The following NFKB1 variants were observed in gnomAD, a reference collection of about 807,000 sequenced individuals.
NFKB1 encodes nuclear factor kappa B subunit 1.
Under a neutral mutation model 105.1 loss-of-function variants are expected in NFKB1, and 9 were observed. That is an observed-to-expected ratio of 0.09 (90% CI 0.05 to 0.15). The LOEUF is 0.15. NFKB1 is among the 10% of genes least tolerant of loss of function. The pLI is 1.00. For synonymous variants in NFKB1, 440 were observed against 442.2 expected, an observed-to-expected ratio of 1.00 and a Z score of 0.06; for missense variants, 830 against 1,203.7, an observed-to-expected ratio of 0.69 and a Z score of 4.59.
Position 102,567,368 on chromosome 4 carries a change from C to T in NFKB1, c.407+233C>T, listed in dbSNP as rs114476171. On this transcript the variant is annotated intron_variant, in intron 6 of 23. Coordinates refer to ENST00000226574, the MANE Select transcript of NFKB1 (RefSeq NM_003998.4). ...CTGACCTAATTGTTTATAGCACCCT[C>T]TTCTACTCTTAAAGGTGGCCCAATT... 5.5e-3 allele frequency among the ~76,000 whole-genome samples: 834 copies of T among 152,296 alleles called. 12 individuals are homozygous for T. Among genetic ancestry groups the T allele is most frequent in the African/African-American group, 0.019 (796 of 41,556 alleles).
chr4:102,611,158 C>T (rs1217360247), intron 20 of NFKB1, among the ~76,000 whole-genome samples: 1 of 152,178 alleles, frequency 6.6e-6, no homozygotes, highest in Non-Finnish European at 1.5e-5. Context: ...CAAAACTCCA[C>T]AGGGCTGAGA....
intron 2 of NFKB1, among the ~76,000 whole-genome samples, chr4:102,527,116 A>G (rs752479661): frequency 6.6e-6 from 1 of 152,182 alleles, no homozygotes; most frequent in Non-Finnish European, 1.5e-5. Context: ...GTGCCAGAAC[A>G]TTGGCTTAGT....
At chr4:102,578,632 G>A (rs1041897469) in intron 7 of NFKB1, 2 of 511,460 alleles carry the variant, frequency 3.9e-6, no homozygotes, top group Admixed American at 6.7e-5. Flanking sequence ...GGAGAGGAGG[G>A]AGGCGATCTG....
At chr4:102,587,730 G>A (rs555103860) in intron 11 of NFKB1, among the ~76,000 whole-genome samples, 1 of 152,052 alleles carries the variant, frequency 6.6e-6, no homozygotes, top group African/African-American at 2.4e-5. Flanking sequence ...GAGCTCTGAA[G>A]GAAAGAATGG....
intron 1 of NFKB1, among the ~76,000 whole-genome samples, chr4:102,524,182 C>T (rs1740748448): frequency 6.6e-6 from 1 of 151,964 alleles, no homozygotes; most frequent in Admixed American, 6.5e-5. Context: ...AAGGACATTT[C>T]TCAAGGAAGT....
intron 11 of NFKB1, among the ~76,000 whole-genome samples, chr4:102,586,391 A>C (rs1725716088): frequency 6.6e-6 from 1 of 152,152 alleles, no homozygotes. Context: ...AAAACATGTT[A>C]TATTTTAGGT....
At chr4:102,553,386 A>G (rs1439221166) in intron 5 of NFKB1, among the ~76,000 whole-genome samples, 3 of 152,200 alleles carry the variant, frequency 2.0e-5, no homozygotes, top group Non-Finnish European at 4.4e-5. Flanking sequence ...TGGATATCAC[A>G]GAGTCAGAGA....
chr4:102,593,394 TCTC>T, intron 11 of NFKB1, 28 bp from the exon 12 acceptor site: 1 of 1,594,272 alleles, frequency 6.3e-7, no homozygotes, highest in South Asian at 1.1e-5. Flanking sequence ...ATCAATCTTT[TCTC>T]CTCTGGTTTC....
At chr4:102,519,824 C>T (rs568977122) in intron 1 of NFKB1, among the ~76,000 whole-genome samples, 3 of 152,312 alleles carry the variant, frequency 2.0e-5, no homozygotes, top group Admixed American at 6.5e-5. Context: ...GCTTCAGTGT[C>T]TTATCTAGGA....
At position 102,596,315 on chromosome 4, in the gene NFKB1, A is replaced by G. The variant is rs772636272; in HGVS notation, c.1478A>G (p.Glu493Gly). The change falls in exon 14 of 24, where the codon GAG becomes GGG. Residue 493 changes from glutamate (E) to glycine (G), a missense_variant. Physicochemically the swap from Glu to Gly is moderately conservative, Grantham distance 98 (BLOSUM62 -2). Around this residue, in one of 8 missense-constraint regions of NFKB1, gnomAD observed 163 missense variants for 164.3 expected, o/e 0.99. Transcript: ENST00000226574. ...ACGTATGCAACAGGAACAAAAGAAG[A>G]GAGTGCTGGAGTTCAGGGTAAGTGA... Reference protein sequence around the residue: ...TLTYATGTKEESAGVQDNLFL... With the variant: ...TLTYATGTKEGSAGVQDNLFL... The G allele has an allele frequency of 9.9e-6, 16 of 1,608,338 alleles. No homozygotes were observed. The highest frequency in any genetic ancestry group is 2.2e-5 in the South Asian group (2 of 90,510).
chr4:102,553,113 G>A (rs1395236096), intron 5 of NFKB1, among the ~76,000 whole-genome samples: 1 of 152,160 alleles, frequency 6.6e-6, no homozygotes, highest in African/African-American at 2.4e-5. Context: ...TCCTTCTGAA[G>A]AAAGGGACAG....
intron 1 of NFKB1, among the ~76,000 whole-genome samples, chr4:102,506,501 A>C (rs1739425247): frequency 6.6e-6 from 1 of 152,072 alleles, no homozygotes; most frequent in Non-Finnish European, 1.5e-5. Flanking sequence ...TACTTTAATG[A>C]TTTTTCCAAC....
At chr4:102,612,286 CT>C in intron 21 of NFKB1, 147 bp from the exon 22 acceptor site, 1 of 921,516 alleles carries the variant, frequency 1.1e-6, no homozygotes, top group Non-Finnish European at 1.6e-6. Flanking sequence ...TGTATACTGC[CT>C]TCTACTCAGC....
At position 102,582,942 on chromosome 4, in the gene NFKB1, A is replaced by C. The variant is rs1297917478; in HGVS notation, c.912A>C (p.Thr304=). The C allele has an allele frequency of 1.9e-6, 3 of 1,606,488 alleles. No individual in the cohort carries two copies. Among genetic ancestry groups the C allele is most frequent in the Non-Finnish European group, 2.6e-6 (3 of 1,173,656 alleles). Residue 304 remains threonine, a synonymous_variant, in exon 10 of 24, where the codon ACA becomes ACC. Transcript: ENST00000226574. ...AAGGATTTGGAGATTTTTCCCCCAC[A>C]GATGTTCATAGACAAGTAAGTGATT... ...VWEGFGDFSP[T]DVHRQFAIVF...
intron 1 of NFKB1, among the ~76,000 whole-genome samples, chr4:102,509,791 C>T (rs546336019): frequency 6.6e-6 from 1 of 152,300 alleles, no homozygotes; most frequent in South Asian, 2.1e-4. Context: ...TCCTCATCTC[C>T]AGAATCCATC....
At position 102,612,098 on chromosome 4, in the gene NFKB1, T is replaced by A; in HGVS notation, c.2407T>A (p.Leu803Ile). 6.2e-7 allele frequency: 1 copy of A among 1,613,954 alleles called. No individual in the cohort carries two copies. Among genetic ancestry groups the A allele is most frequent in the South Asian group, 1.1e-5 (1 of 91,074 alleles). The change falls in exon 21 of 24, where the codon TTA (leucine) becomes ATA (isoleucine). Residue 803 changes from leucine (L) to isoleucine (I), a missense_variant. Coordinates refer to ENST00000226574, the MANE Select transcript of NFKB1 (RefSeq NM_003998.4). ...PYEPEFTSDD[L>I]LAQGDMKQLA... The stretch of plus-strand genomic sequence containing the variant: ...TGAGCCAGAGTTTACATCTGATGAT[T>A]TACTAGCACAAGGTGGGTTGTGATA...
At chr4:102,606,358 C>A in intron 16 of NFKB1, 138 bp from the exon 17 acceptor site, 1 of 796,142 alleles carries the variant, frequency 1.3e-6, no homozygotes, top group Non-Finnish European at 2.1e-6. Context: ...ACTTGGGTGC[C>A]AAGGTCAGAA....
At chr4:102,555,481 A>C (rs1050299922) in intron 5 of NFKB1, among the ~76,000 whole-genome samples, 1 of 152,184 alleles carries the variant, frequency 6.6e-6, no homozygotes, top group Admixed American at 6.6e-5. Context: ...CATAACCAGC[A>C]CCTGCGGCTG....
chr4:102,589,001 TG>T (rs1360785455), intron 11 of NFKB1, among the ~76,000 whole-genome samples: 1 of 152,048 alleles, frequency 6.6e-6, no homozygotes, highest in Non-Finnish European at 1.5e-5. Flanking sequence ...GAATATGGAG[TG>T]TGAAAGTCTC....
Sources: allele counts gnomAD v4.1 joint callset (sites outside exome capture counted in the v4.1 genomes callset), GRCh38; gene constraint gnomAD v4.1.1; regional missense constraint gnomAD v4.1.1; transcripts MANE v1.5; gene names NCBI Gene and HGNC (gene_info 2026-07-23, HGNC 2026-07-21).